NCOA2: variants seen among roughly 807,000 people sequenced by gnomAD.
NCOA2 encodes the protein class E basic helix-loop-helix protein 75.
A neutral mutation model predicts 145.1 loss-of-function variants in NCOA2; 21 were observed. The ratio of observed to expected loss-of-function variants is 0.14; its 90% confidence interval spans 0.10 to 0.21. The LOEUF is 0.21. Ranked by LOEUF, NCOA2 falls within the 10% of genes least tolerant of loss-of-function variation. NCOA2 has a pLI of 1.00. For missense variants in NCOA2, 1,472 were observed against 1,837.6 expected (o/e 0.80, Z 3.64); for synonymous variants, 619 against 637.5 (o/e 0.97, Z 0.44).
the NCOA2 span, among the ~76,000 whole-genome samples, chr8:70,437,178 C>T: frequency 6.6e-6 from 1 of 152,156 alleles, no homozygotes; most frequent in African/African-American, 2.4e-5. Flanking sequence ...CAACTTTGTA[C>T]CACCTTTTTA....
At chr8:70,274,989 C>A (rs1825364837) in intron 2 of NCOA2, among the ~76,000 whole-genome samples, 4 of 152,106 alleles carry the variant, frequency 2.6e-5, no homozygotes, top group Admixed American at 2.0e-4. Flanking sequence ...CATTTCCAGA[C>A]CTAACAGATT....
intron 2 of NCOA2, among the ~76,000 whole-genome samples, chr8:70,277,450 A>G (rs1003581126): frequency 2.0e-5 from 3 of 152,192 alleles, no homozygotes; most frequent in Non-Finnish European, 2.9e-5. Flanking sequence ...AGATGTAGCT[A>G]TATCTTTCGG....
At chr8:70,454,774 G>A in the NCOA2 span, among the ~76,000 whole-genome samples, 2 of 152,156 alleles carry the variant, frequency 1.3e-5, no homozygotes, top group Non-Finnish European at 2.9e-5. Flanking sequence ...GGCACATTTT[G>A]TGAGCCCTCT....
the NCOA2 span, among the ~76,000 whole-genome samples, chr8:70,435,146 C>T: frequency 1.3e-5 from 2 of 152,064 alleles, no homozygotes; most frequent in Admixed American, 1.3e-4. Context: ...ACACACTCGG[C>T]CGGGCGCGGT....
intron 1 of NCOA2, among the ~76,000 whole-genome samples, chr8:70,316,854 G>A (rs1483932973): frequency 6.6e-6 from 1 of 152,098 alleles, no homozygotes; most frequent in Non-Finnish European, 1.5e-5. Flanking sequence ...TCCAACAGTG[G>A]GACCTGAAAA....
chr8:70,391,008 T>C (rs1813150880), intron 1 of NCOA2, among the ~76,000 whole-genome samples: 1 of 152,104 alleles, frequency 6.6e-6, no homozygotes, highest in African/African-American at 2.4e-5. Context: ...ACCACACTTC[T>C]AATAAGATCC....
chr8:70,171,088 G>T (rs1177943646), intron 5 of NCOA2, among the ~76,000 whole-genome samples: 4 of 152,152 alleles, frequency 2.6e-5, no homozygotes, highest in African/African-American at 9.7e-5. Context: ...TAAGATGCAG[G>T]TTCCTAAATT....
chr8:70,288,250 T>C (rs1036353481), intron 2 of NCOA2, among the ~76,000 whole-genome samples: 5 of 152,082 alleles, frequency 3.3e-5, no homozygotes, highest in African/African-American at 1.2e-4. Context: ...CACTATGATG[T>C]GAAAGAGGAA....
At chr8:70,138,852 C>A (rs549111318) in intron 14 of NCOA2, among the ~76,000 whole-genome samples, 1 of 152,380 alleles carries the variant, frequency 6.6e-6, no homozygotes, top group Admixed American at 6.5e-5. Context: ...TTTCGCATTT[C>A]ATCTTCTGTG....
chr8:70,371,515 A>G (rs996174903), intron 1 of NCOA2, among the ~76,000 whole-genome samples: 4 of 152,198 alleles, frequency 2.6e-5, no homozygotes, highest in African/African-American at 9.7e-5. Flanking sequence ...ATATAGCCTG[A>G]TTTTATGGAA....
intron 4 of NCOA2, among the ~76,000 whole-genome samples, chr8:70,180,521 T>C: frequency 6.6e-6 from 1 of 152,298 alleles, no homozygotes; most frequent in Middle Eastern, 3.4e-3. Context: ...TTCCATAGGT[T>C]TTTTTATAAG....
chr8:70,433,092 C>T, the NCOA2 span, among the ~76,000 whole-genome samples: 1 of 152,064 alleles, frequency 6.6e-6, no homozygotes, highest in Non-Finnish European at 1.5e-5. Context: ...TCAATTTCCT[C>T]AATAAGTAAG....
At chr8:70,404,247 G>C (rs1427024645), upstream of NCOA2, among the ~76,000 whole-genome samples, 1 of 152,236 alleles carries the variant, frequency 6.6e-6, no homozygotes, top group Non-Finnish European at 1.5e-5. Flanking sequence ...ACAGAGGACT[G>C]CATGGGAGGG....
At chr8:70,449,802 C>A in the NCOA2 span, among the ~76,000 whole-genome samples, 2,745 of 152,310 alleles carry the variant, frequency 0.018, 87 homozygotes, top group African/African-American at 0.062. Context: ...CAGGAAAGCA[C>A]CTGTCCTCAC....
intron 2 of NCOA2, among the ~76,000 whole-genome samples, chr8:70,255,156 A>C (rs1823532312): frequency 6.6e-6 from 1 of 152,236 alleles, no homozygotes; most frequent in Admixed American, 6.5e-5. Context: ...TTAAGGAAAG[A>C]GATCTCTGGT....
intron 4 of NCOA2, among the ~76,000 whole-genome samples, chr8:70,198,852 G>A (rs187284093): frequency 5.3e-5 from 8 of 152,210 alleles, no homozygotes; most frequent in Middle Eastern, 3.4e-3. Context: ...GGAGAAAACG[G>A]GTTTGGTTTG....
intron 1 of NCOA2, among the ~76,000 whole-genome samples, chr8:70,303,869 C>T (rs992799084): frequency 1.3e-5 from 2 of 152,074 alleles, no homozygotes; most frequent in East Asian, 3.9e-4. Context: ...TAGTTCCCCA[C>T]CAAGACTAGA....
chr8:70,240,701 T>C (rs376368997), intron 2 of NCOA2, among the ~76,000 whole-genome samples: 5 of 152,274 alleles, frequency 3.3e-5, no homozygotes, highest in Admixed American at 2.0e-4. Flanking sequence ...ATCAACAATA[T>C]TATGTAACTT....
chr8:70,148,211 C>T, intron 12 of NCOA2, 62 bp downstream of exon 12: 1 of 1,503,926 alleles, frequency 6.6e-7, no homozygotes, highest in South Asian at 1.1e-5. Flanking sequence ...TTCAATAATC[C>T]CTGTTTCTGA....
Sources: gnomAD v4.1 joint callset for allele counts (sites outside exome capture counted in the v4.1 genomes callset) on GRCh38, gnomAD v4.1.1 for gene constraint, MANE v1.5 for transcripts, NCBI Gene and HGNC (gene_info 2026-07-23, HGNC 2026-07-21) for gene names.